SLC1A2: variants seen among roughly 807,000 people sequenced by gnomAD.
SLC1A2 encodes the protein excitatory amino acid transporter 2.
Under a neutral mutation model 48.8 loss-of-function variants are expected in SLC1A2, and 15 were observed. That is an observed-to-expected ratio of 0.31 (90% CI 0.21 to 0.47). SLC1A2 has a LOEUF of 0.47. Ranked by LOEUF, SLC1A2 falls within the 20% of genes least tolerant of loss-of-function variation. SLC1A2 has a pLI of 0.99. For synonymous variants in SLC1A2, 279 were observed against 272.6 expected, an observed-to-expected ratio of 1.02 and a Z score of -0.23; for missense variants, 502 against 730.5, an observed-to-expected ratio of 0.69 and a Z score of 3.61.
chr11:35,388,937 G>A (rs1280677405), intron 1 of SLC1A2, among the ~76,000 whole-genome samples: 1 of 152,080 alleles, frequency 6.6e-6, no homozygotes, highest in African/African-American at 2.4e-5. Flanking sequence ...TAAACACCGG[G>A]GACTCCAAAA....
Position 35,374,354 on chromosome 11 carries a change from C to A in SLC1A2, c.17+44596G>T, listed in dbSNP as rs772783602. ...ACCCTGCCCAGCAGAATTTAAATAG[C>A]GATGTGTTGTTGGAGAATTACAGAG... On this transcript the variant is annotated intron_variant, in intron 1 of 10. Coordinates refer to ENST00000278379, the MANE Select transcript of SLC1A2 (RefSeq NM_004171.4). 31 of 868,152 alleles carry A rather than the reference C, an allele frequency of 3.6e-5. No individual in the cohort carries two copies. The Admixed American group carries it at 4.1e-4, about 11-fold the overall frequency. The allele number at this position is 868,152 out of a possible 1,614,324, so 53.8% of individuals were successfully genotyped here.
At chr11:35,349,973 G>A (rs1853185977) in intron 1 of SLC1A2, among the ~76,000 whole-genome samples, 1 of 152,148 alleles carries the variant, frequency 6.6e-6, no homozygotes, top group South Asian at 2.1e-4. Context: ...ACCAATCCCA[G>A]CTCCACCACT....
In SLC1A2 at chr11:35,251,939, G is replaced by A. The variant is rs565484208; in HGVS notation, c.*8955C>T. The A allele has an allele frequency of 2.6e-5, 4 of 152,684 alleles. No individual in the cohort carries two copies. Among genetic ancestry groups the A allele is most frequent in the Non-Finnish European group, 5.9e-5 (4 of 68,024 alleles). The allele number at this position is 152,684 out of a possible 1,614,324, so 9.5% of individuals were successfully genotyped here. A position where few individuals can be genotyped will look rare whatever the true frequency, so the allele number is the denominator to read the frequency against. On this transcript the variant is annotated 3_prime_UTR_variant, in exon 11 of 11. Coordinates refer to ENST00000278379, the MANE Select transcript of SLC1A2 (RefSeq NM_004171.4). ...ATTATACAGAATGTGTGTTTTAGGA[G>A]GCAACTGTAAACTTGCATTAGTTAA... is the stretch of plus-strand genomic sequence containing the variant.
rs768530572 is a variant in SLC1A2 at position 35,312,327 on chromosome 11, T to C, written c.432A>G (p.Pro144=). Residue 144 remains proline (P), a synonymous_variant, in exon 4 of 11, where the codon CCA becomes CCG. Coordinates refer to ENST00000278379, the MANE Select transcript of SLC1A2 (RefSeq NM_004171.4). ...LGVILVLAIH[P]GNPKLKKQLG... is the part of the protein sequence containing the mutation. Reference sequence around the variant, plus strand: ...GCTGCTTCTTGAGCTTGGGATTGCCTGGATGGATAGCCAAGACCAGAATGA... The same window carrying C: ...GCTGCTTCTTGAGCTTGGGATTGCCCGGATGGATAGCCAAGACCAGAATGA... 5.0e-6 allele frequency: 8 copies of C among 1,614,030 alleles called. No homozygotes were observed. In the South Asian group the frequency reaches 7.7e-5, roughly 16 times the overall value.
chr11:35,267,418 C>T lies in SLC1A2; in HGVS notation c.1422-1660G>A, dbSNP rs181571798. On this transcript the variant is annotated intron_variant, in intron 9 of 10. Transcript: ENST00000278379. ...AGATAACAAAGTGCTTACATGCTTC[C>T]GGACATTTAATAAGAACTCAAAAAA... Among the ~76,000 whole-genome samples the T allele has an allele frequency of 6.6e-4, 100 of 152,076 alleles. No individual in the cohort carries two copies. The Middle Eastern group carries it at 0.014, about 21-fold the overall frequency.
intron 1 of SLC1A2, among the ~76,000 whole-genome samples, chr11:35,383,962 G>A (rs369067657): frequency 3.3e-5 from 5 of 152,154 alleles, no homozygotes; most frequent in South Asian, 2.1e-4. Context: ...TGTTCTACTC[G>A]CTTGTTTGGA....
At chr11:35,305,888 C>T (rs537400057) in intron 5 of SLC1A2, among the ~76,000 whole-genome samples, 186 bp downstream of exon 5, 1 of 152,296 alleles carries the variant, frequency 6.6e-6, no homozygotes, top group East Asian at 1.9e-4. Context: ...CTTATGGTCT[C>T]CTCTGCCCTT....
At chr11:35,334,567 T>C (rs1056339836) in intron 1 of SLC1A2, among the ~76,000 whole-genome samples, 3 of 152,192 alleles carry the variant, frequency 2.0e-5, no homozygotes, top group Admixed American at 6.5e-5. Context: ...GCAGAGGCAG[T>C]GCTTTAAGAA....
chr11:35,343,165 C>G (rs1328191822), intron 1 of SLC1A2, among the ~76,000 whole-genome samples: 2 of 152,210 alleles, frequency 1.3e-5, no homozygotes, highest in Non-Finnish European at 2.9e-5. Flanking sequence ...TTTCACAAAA[C>G]TAGCAAAAAG....
intron 6 of SLC1A2, among the ~76,000 whole-genome samples, chr11:35,295,126 T>G (rs2134760508): frequency 6.6e-6 from 1 of 152,262 alleles, no homozygotes; most frequent in Non-Finnish European, 1.5e-5. Flanking sequence ...TTGCTTGCTG[T>G]AACCTTGACC....
rs979219554 is a variant in SLC1A2 at position 35,260,062 on chromosome 11, C to T, written c.*832G>A. ...TTTACTACACCAGGTGAAGGCAAAC[C>T]GAACATAAATAAATTTGAATATTTA... On this transcript the variant is annotated 3_prime_UTR_variant, in exon 11 of 11. Transcript: ENST00000278379. 3.3e-5 allele frequency: 5 copies of T among 152,088 alleles called. No homozygotes were observed. Among genetic ancestry groups the T allele is most frequent in the African/African-American group, 9.7e-5 (4 of 41,418 alleles). The allele number at this position is 152,088 out of a possible 1,614,324, so 9.4% of individuals were successfully genotyped here.
chr11:35,400,019 T>C (rs939586891), intron 1 of SLC1A2, among the ~76,000 whole-genome samples: 12 of 152,164 alleles, frequency 7.9e-5, no homozygotes, highest in Admixed American at 6.5e-4. Context: ...CCATTTGATA[T>C]CACAACTGCA....
At chr11:35,412,810 T>C (rs1855501668) in intron 1 of SLC1A2, among the ~76,000 whole-genome samples, 1 of 152,230 alleles carries the variant, frequency 6.6e-6, no homozygotes, top group African/African-American at 2.4e-5. Flanking sequence ...CTCAATTCAA[T>C]ATCCCAAAGG....
At position 35,392,711 on chromosome 11, in the gene SLC1A2, C is replaced by T. The variant is rs114746547; in HGVS notation, c.17+26239G>A. Among the ~76,000 whole-genome samples the T allele has an allele frequency of 6.8e-3, 1,030 of 152,240 alleles. 18 individuals carry two copies. The highest frequency in any genetic ancestry group is 0.023 in the African/African-American group (974 of 41,534). On this transcript the variant is annotated intron_variant, in intron 1 of 10. Coordinates refer to ENST00000278379, the MANE Select transcript of SLC1A2 (RefSeq NM_004171.4). ...GGAAAACTGTCTGGAGGGAATGCCCCGAGTCCTCCTCCCAGTATCTGTTCA... is the reference window on the plus strand; with the variant it reads ...GGAAAACTGTCTGGAGGGAATGCCCTGAGTCCTCCTCCCAGTATCTGTTCA...
intron 10 of SLC1A2, among the ~76,000 whole-genome samples, chr11:35,263,492 T>G (rs1950429504): frequency 6.6e-6 from 1 of 151,884 alleles, no homozygotes; most frequent in African/African-American, 2.4e-5. Context: ...AGAAGCAAAT[T>G]TATCCTCAGG....
At chr11:35,347,471 G>A (rs1304432666) in intron 1 of SLC1A2, among the ~76,000 whole-genome samples, 1 of 152,182 alleles carries the variant, frequency 6.6e-6, no homozygotes, top group African/African-American at 2.4e-5. Flanking sequence ...GTGGCTGCTG[G>A]AGCAATGTTT....
chr11:35,275,865 C>T (rs905023032), intron 9 of SLC1A2, among the ~76,000 whole-genome samples: 1 of 152,146 alleles, frequency 6.6e-6, no homozygotes, highest in African/African-American at 2.4e-5. Flanking sequence ...TCATCTTAGC[C>T]CCCACCACCA....
At chr11:35,389,573 C>T (rs1450575143) in intron 1 of SLC1A2, among the ~76,000 whole-genome samples, 1 of 151,954 alleles carries the variant, frequency 6.6e-6, no homozygotes, top group African/African-American at 2.4e-5. Context: ...CGGGTTCAAG[C>T]GATTCTCCTG....
chr11:35,327,639 C>G (rs927860333), intron 1 of SLC1A2, among the ~76,000 whole-genome samples: 1 of 152,184 alleles, frequency 6.6e-6, no homozygotes, highest in Non-Finnish European at 1.5e-5. Context: ...TAAATAATAA[C>G]CAACATTTCA....
Sources: allele counts gnomAD v4.1 joint callset (sites outside exome capture counted in the v4.1 genomes callset), GRCh38; gene constraint gnomAD v4.1.1; transcripts MANE v1.5; gene names NCBI Gene and HGNC (gene_info 2026-07-23, HGNC 2026-07-21).